Variants in CHST9 observed in about 807,000 individuals in gnomAD.
CHST9 encodes the protein GalNAc-4-sulfotransferase 2.
CHST9 carries 41 observed loss-of-function variants against 44.4 expected under a neutral mutation model. The ratio of observed to expected loss-of-function variants is 0.92; its 90% confidence interval spans 0.72 to 1.20. The LOEUF (loss-of-function observed/expected upper bound fraction) is 1.20, where lower values mean the gene tolerates loss of function less well. CHST9 is among the 50% of genes most tolerant of loss of function. The pLI is 0.00. For synonymous variants in CHST9, 171 were observed against 178.4 expected, an observed-to-expected ratio of 0.96 and a Z score of 0.33; for missense variants, 504 against 516.5, an observed-to-expected ratio of 0.98 and a Z score of 0.23.
At chr18:26,943,279 T>A (rs2056111074) in intron 5 of CHST9, among the ~76,000 whole-genome samples, 1 of 152,216 alleles carries the variant, frequency 6.6e-6, no homozygotes, top group African/African-American at 2.4e-5. Flanking sequence ...TTTTGGCTAC[T>A]GAATTTGAAA....
At position 26,912,028 on chromosome 18, in the gene CHST9, T is replaced by C. The variant is rs1347744042; in HGVS notation, c.*4231A>G. 6.6e-6 allele frequency: 1 copy of C among 152,162 alleles called. No individual in the cohort carries two copies. The highest frequency in any genetic ancestry group is 2.4e-5 in the African/African-American group (1 of 41,424). 9.4% of individuals were successfully genotyped at this position (152,162 alleles called of 1,614,324 possible). ...TTTCTAGCAGGAGTGGTTCTCACTG[T>C]GTGTGACTAGCTTGCTGAACCGTGA... is the stretch of plus-strand genomic sequence containing the variant. On this transcript the variant is annotated 3_prime_UTR_variant, in exon 6 of 6. Coordinates refer to ENST00000618847, the MANE Select transcript of CHST9 (RefSeq NM_031422.6).
At chr18:27,058,842 T>C (rs1213022995) in intron 2 of CHST9, among the ~76,000 whole-genome samples, 1 of 152,162 alleles carries the variant, frequency 6.6e-6, no homozygotes, top group Non-Finnish European at 1.5e-5. Flanking sequence ...AAGCAAAATA[T>C]CATTTTTATA....
At chr18:27,155,195 A>C (rs1057340945) in intron 1 of CHST9, among the ~76,000 whole-genome samples, 1 of 152,154 alleles carries the variant, frequency 6.6e-6, no homozygotes, top group African/African-American at 2.4e-5. Context: ...AAGTTAGTAC[A>C]TGAAAAATAT....
intron 2 of CHST9, among the ~76,000 whole-genome samples, chr18:27,102,888 T>TC (rs2058187579): frequency 6.6e-6 from 1 of 152,190 alleles, no homozygotes; most frequent in South Asian, 2.1e-4. Context: ...AATTTTAAAG[T>TC]ACTGTTTGTG....
chr18:27,167,150 A>AAG (rs1244668094), intron 1 of CHST9, among the ~76,000 whole-genome samples: 1 of 152,240 alleles, frequency 6.6e-6, no homozygotes, highest in African/African-American at 2.4e-5. Flanking sequence ...AAACAGAAGA[A>AAG]AGGTCAGAGT....
intron 5 of CHST9, among the ~76,000 whole-genome samples, chr18:26,919,973 T>C (rs2055617190): frequency 6.6e-6 from 1 of 152,204 alleles, no homozygotes; most frequent in Non-Finnish European, 1.5e-5. Context: ...CAAAGCCCTC[T>C]GCTTCTGTGA....
At chr18:27,159,881 T>G (rs368969312) in intron 1 of CHST9, among the ~76,000 whole-genome samples, 11 of 152,284 alleles carry the variant, frequency 7.2e-5, no homozygotes, top group South Asian at 2.1e-4. Flanking sequence ...ATTGTGAATG[T>G]GAGTTCACTC....
chr18:27,041,318 T>C (rs765237910), intron 3 of CHST9, among the ~76,000 whole-genome samples: 1 of 152,158 alleles, frequency 6.6e-6, no homozygotes, highest in Non-Finnish European at 1.5e-5. Context: ...TGTAAAGTAA[T>C]TTTTGGCTAA....
At chr18:27,080,916 C>G (rs1380080692) in intron 2 of CHST9, among the ~76,000 whole-genome samples, 1 of 146,756 alleles carries the variant, frequency 6.8e-6, no homozygotes, top group East Asian at 2.1e-4. Flanking sequence ...TTTAAGGCAA[C>G]AGCTCACTGA....
intron 2 of CHST9, among the ~76,000 whole-genome samples, chr18:27,052,354 A>G (rs1286095290): frequency 6.6e-6 from 1 of 151,970 alleles, no homozygotes; most frequent in Middle Eastern, 3.2e-3. Flanking sequence ...TTATACATGC[A>G]CACACATACA....
chr18:27,009,133 A>G (rs1371024208), intron 4 of CHST9, among the ~76,000 whole-genome samples: 1 of 152,128 alleles, frequency 6.6e-6, no homozygotes, highest in Non-Finnish European at 1.5e-5. Flanking sequence ...TGCAATTTGT[A>G]ACAATCTGTA....
At chr18:26,930,141 T>G (rs2055851242) in intron 5 of CHST9, among the ~76,000 whole-genome samples, 1 of 152,164 alleles carries the variant, frequency 6.6e-6, no homozygotes, top group Non-Finnish European at 1.5e-5. Flanking sequence ...TTAAGACAGC[T>G]CCCCAAAGCC....
chr18:26,975,288 G>A (rs1439114542), intron 4 of CHST9, among the ~76,000 whole-genome samples: 2 of 152,064 alleles, frequency 1.3e-5, no homozygotes, highest in African/African-American at 2.4e-5. Flanking sequence ...CTTTTTACTT[G>A]TATAAATGTA....
At chr18:27,119,656 T>G (rs886237137) in intron 2 of CHST9, among the ~76,000 whole-genome samples, 2 of 122,772 alleles carry the variant, frequency 1.6e-5, no homozygotes, top group Non-Finnish European at 1.7e-5. Context: ...GTTTTGGGTT[T>G]TTTTTTTTTT....
At chr18:27,127,348 T>A (rs2058433104) in intron 2 of CHST9, among the ~76,000 whole-genome samples, 1 of 152,150 alleles carries the variant, frequency 6.6e-6, no homozygotes, top group South Asian at 2.1e-4. Flanking sequence ...AGGCCTGTCT[T>A]CATGGACGTC....
At chr18:27,046,403 T>C (rs992433766) in intron 3 of CHST9, among the ~76,000 whole-genome samples, 7 of 152,012 alleles carry the variant, frequency 4.6e-5, no homozygotes, top group Non-Finnish European at 2.9e-5. Flanking sequence ...TTTAGTGCAA[T>C]AGGATAGGGT....
intron 2 of CHST9, among the ~76,000 whole-genome samples, chr18:27,077,893 G>A (rs1479147925): frequency 1.3e-5 from 2 of 152,094 alleles, no homozygotes; most frequent in Non-Finnish European, 2.9e-5. Context: ...TGTTTTTGGG[G>A]AGGCCTCAGG....
At chr18:27,086,831 A>C (rs1301895181) in intron 2 of CHST9, among the ~76,000 whole-genome samples, 5 of 152,184 alleles carry the variant, frequency 3.3e-5, no homozygotes, top group African/African-American at 1.2e-4. Flanking sequence ...GAAGATTCTA[A>C]CCTGTTTCTT....
chr18:26,945,636 A>C (rs2056150706), intron 4 of CHST9, among the ~76,000 whole-genome samples: 1 of 152,138 alleles, frequency 6.6e-6, no homozygotes, highest in Non-Finnish European at 1.5e-5. Flanking sequence ...TGTGGTATGG[A>C]TGTGCCAAAG....
Sources: allele counts gnomAD v4.1 joint callset (sites outside exome capture counted in the v4.1 genomes callset), GRCh38; gene constraint gnomAD v4.1.1; transcripts MANE v1.5; gene names NCBI Gene and HGNC (gene_info 2026-07-23, HGNC 2026-07-21).